CPM: variants seen among roughly 807,000 people sequenced by gnomAD.
CPM encodes the protein renal carboxypeptidase.
CPM carries 35 observed loss-of-function variants against 46.4 expected under a neutral mutation model. The observed-to-expected ratio is 0.75, with a 90% confidence interval of 0.58 to 1.00. The LOEUF (loss-of-function observed/expected upper bound fraction) is 1.00, where lower values mean the gene tolerates loss of function less well. Ranked by LOEUF, CPM falls within the 50% of genes least tolerant of loss-of-function variation. CPM has a pLI of 0.00. For missense variants in CPM, 422 were observed against 530.4 expected, an observed-to-expected ratio of 0.80 and a Z score of 2.01; for synonymous variants, 195 against 195.3, an observed-to-expected ratio of 1.00 and a Z score of 0.01.
chr12:68,938,067 TGG>T (rs1888699900), upstream of CPM, among the ~76,000 whole-genome samples: 1 of 152,170 alleles, frequency 6.6e-6, no homozygotes, highest in African/African-American at 2.4e-5. Context: ...TAGCAGGAAT[TGG>T]GACAGAGGGA....
intron 7 of CPM, among the ~76,000 whole-genome samples, chr12:68,865,086 A>T (rs1421586447): frequency 1.3e-5 from 2 of 152,220 alleles, no homozygotes; most frequent in African/African-American, 4.8e-5. Flanking sequence ...GAAATATAAT[A>T]GAAATGTTAG....
At chr12:68,949,195 A>G (rs1191139268) in intron 1 of CPM, among the ~76,000 whole-genome samples, 1 of 152,134 alleles carries the variant, frequency 6.6e-6, no homozygotes, top group Non-Finnish European at 1.5e-5. Context: ...ACATGGCGAA[A>G]GCTCATCTGT....
chr12:68,880,159 C>T (rs1216212822), intron 3 of CPM, among the ~76,000 whole-genome samples: 3 of 151,782 alleles, frequency 2.0e-5, no homozygotes, highest in Admixed American at 6.6e-5. Flanking sequence ...TAGGAGCTTG[C>T]GTAAATTAAA....
chr12:68,942,117 AT>A (rs140886588), intron 1 of CPM, among the ~76,000 whole-genome samples: 4 of 151,990 alleles, frequency 2.6e-5, no homozygotes, highest in African/African-American at 9.7e-5. Context: ...TTGTTCCTTT[AT>A]TTTTTTATTA....
At chr12:68,922,964 T>A (rs1190958317) in intron 2 of CPM, among the ~76,000 whole-genome samples, 1 of 152,162 alleles carries the variant, frequency 6.6e-6, no homozygotes, top group Non-Finnish European at 1.5e-5. Context: ...TTGCCCAGGC[T>A]GGAGTGCAGT....
chr12:68,882,018 G>A (rs1379545397), intron 3 of CPM, among the ~76,000 whole-genome samples: 5 of 123,146 alleles, frequency 4.1e-5, no homozygotes, highest in African/African-American at 9.0e-5. Flanking sequence ...CACCACGCCC[G>A]GCCTGCTTTT....
intron 3 of CPM, among the ~76,000 whole-genome samples, chr12:68,884,288 C>T (rs776085677): frequency 4.6e-5 from 7 of 152,080 alleles, no homozygotes; most frequent in Non-Finnish European, 8.8e-5. Flanking sequence ...AGAAGCCGCC[C>T]GTGATGCTCA....
upstream of CPM, among the ~76,000 whole-genome samples, chr12:68,934,107 T>TC (rs1429407665): frequency 6.6e-6 from 1 of 150,806 alleles, no homozygotes; most frequent in Non-Finnish European, 1.5e-5. Flanking sequence ...CTCTCTCCCC[T>TC]CCCCCTCTCC....
chr12:68,906,356 C>G (rs1405596942), intron 2 of CPM, among the ~76,000 whole-genome samples: 3 of 152,134 alleles, frequency 2.0e-5, no homozygotes, highest in East Asian at 1.9e-4. Flanking sequence ...TCAGCTGACT[C>G]TAATTCACGC....
At chr12:68,845,429 A>G (rs1447339016) in intron 5 of CPM, 2 of 208,658 alleles carry the variant, frequency 9.6e-6, no homozygotes, top group Non-Finnish European at 1.9e-5. Flanking sequence ...CCGTAAAGCA[A>G]GCAGATGGGA....
upstream of CPM, among the ~76,000 whole-genome samples, chr12:68,934,119 C>A (rs1888622503): frequency 6.6e-6 from 1 of 152,078 alleles, no homozygotes. Context: ...CCCCTCTCCC[C>A]TTCCCTCTCT....
At chr12:68,872,998 T>A (rs1885777795) in intron 3 of CPM, among the ~76,000 whole-genome samples, 1 of 152,150 alleles carries the variant, frequency 6.6e-6, no homozygotes, top group Admixed American at 6.5e-5. Flanking sequence ...TTTTCTTATT[T>A]AAAAAAAGTA....
Position 68,895,838 on chromosome 12 carries a change from A to G in CPM, c.161-9949T>C, listed in dbSNP as rs541542739. ...GTGTGCCATGAATACACTCATTTCT[A>G]TTTCTGACATCACTTTCATGCTTTG... On this transcript the variant is annotated intron_variant, in intron 2 of 8. Coordinates refer to ENST00000551568, the MANE Select transcript of CPM (RefSeq NM_198320.5). Among the ~76,000 whole-genome samples the G allele has an allele frequency of 2.6e-5, 4 of 152,360 alleles. No individual in the cohort carries two copies. In the East Asian group the frequency reaches 7.7e-4, roughly 29 times the overall value.
At position 68,925,738 on chromosome 12, in the gene CPM, A is replaced by C. The variant is rs967911082; in HGVS notation, c.160+6940T>G. ...TTTGGTGCTTTGTTGTATGATCCAA[A>C]TTTTCTAAATGAACTAGAATTCCTT... On this transcript the variant is annotated intron_variant, in intron 2 of 8. Coordinates refer to ENST00000551568, the MANE Select transcript of CPM (RefSeq NM_198320.5). 8.5e-5 allele frequency among the ~76,000 whole-genome samples: 13 copies of C among 152,142 alleles called. No individual in the cohort carries two copies. The South Asian group carries it at 1.0e-3, about 12-fold the overall frequency.
intron 2 of CPM, among the ~76,000 whole-genome samples, chr12:68,923,839 T>A (rs1438551463): frequency 6.6e-6 from 1 of 152,164 alleles, no homozygotes; most frequent in Non-Finnish European, 1.5e-5. Context: ...TATCTCTCAG[T>A]CACGTTAAGA....
At chr12:68,915,421 C>G (rs1317524774) in intron 2 of CPM, among the ~76,000 whole-genome samples, 1 of 152,202 alleles carries the variant, frequency 6.6e-6, no homozygotes, top group African/African-American at 2.4e-5. Context: ...CTGGACTGCT[C>G]CTGCCACCCA....
At chr12:68,847,521 T>C (rs534333005), downstream of CPM, 12 of 132,816 alleles carry the variant, frequency 9.0e-5, no homozygotes, top group African/African-American at 3.6e-4. Context: ...TGGCGCAATC[T>C]CGGCTCACTG....
chr12:68,925,009 A>T (rs922481297), intron 2 of CPM, among the ~76,000 whole-genome samples: 28 of 152,296 alleles, frequency 1.8e-4, no homozygotes, highest in African/African-American at 6.7e-4. Flanking sequence ...TCTGTTAATG[A>T]TGGGAAGGTG....
chr12:68,930,516 C>T (rs552074020), intron 2 of CPM, among the ~76,000 whole-genome samples: 133 of 152,336 alleles, frequency 8.7e-4, no homozygotes, highest in Non-Finnish European at 1.4e-3. Context: ...GACACTTTGG[C>T]AACTGACTCC....
Sources: allele counts gnomAD v4.1 joint callset (sites outside exome capture counted in the v4.1 genomes callset), GRCh38; gene constraint gnomAD v4.1.1; transcripts MANE v1.5; gene names NCBI Gene and HGNC (gene_info 2026-07-23, HGNC 2026-07-21).